Variants in DEPDC1 observed in about 807,000 individuals in gnomAD.
DEPDC1 encodes DEP domain containing 1, also known as DEP domain-containing protein 1A.
A neutral mutation model predicts 86.8 loss-of-function variants in DEPDC1; 66 were observed. That is an observed-to-expected ratio of 0.76 (90% confidence interval 0.62 to 0.93). The LOEUF (loss-of-function observed/expected upper bound fraction) is 0.93. Ranked by LOEUF, DEPDC1 falls within the 40% of genes least tolerant of loss-of-function variation. The pLI, the probability that DEPDC1 is intolerant of heterozygous loss-of-function variation, is 0.00. For synonymous variants in DEPDC1, 255 were observed against 314.9 expected, an observed-to-expected ratio of 0.81 and a Z score of 2.02; for missense variants, 792 against 935.7, an observed-to-expected ratio of 0.85 and a Z score of 2.00.
rs748026444 is a variant in DEPDC1, at chr1:68,488,420, C to T, written c.675G>A (p.Met225Ile). Reference protein sequence around the residue: ...QVIPQYIMYNMANTSKRGVVI... With the variant: ...QVIPQYIMYNIANTSKRGVVI... ...CTACTCCACGTTTACTTGTATTGGC[C>T]ATGTTGTACATTATATATTGGGGAA... Residue 225 changes from methionine to isoleucine, a missense_variant, in exon 5 of 12, where the codon ATG becomes ATA. Met to Ile is a conservative substitution (Grantham distance 10). Coordinates refer to ENST00000456315, the MANE Select transcript of DEPDC1 (RefSeq NM_001114120.3). 7.1e-5 allele frequency: 114 copies of T among 1,603,508 alleles called. No individual in the cohort carries two copies. The highest frequency in any genetic ancestry group is 9.4e-5 in the Non-Finnish European group (110 of 1,176,224).
chr1:68,483,514 A>G (rs1646172371), intron 7 of DEPDC1: 1 of 328,882 alleles, frequency 3.0e-6, no homozygotes, highest in African/African-American at 2.2e-5. Flanking sequence ...CTTCAATTAA[A>G]ACTCTAAAAC....
At chr1:68,494,288 T>C (rs1402649910) in intron 2 of DEPDC1, 142 bp downstream of exon 2, 1 of 775,160 alleles carries the variant, frequency 1.3e-6, no homozygotes, top group Non-Finnish European at 2.0e-6. Flanking sequence ...TTCTAAATGA[T>C]TTTAGTTGAA....
At chr1:68,484,956 T>TATATATA (rs1553156034) in intron 6 of DEPDC1, among the ~76,000 whole-genome samples, 3 of 125,880 alleles carry the variant, frequency 2.4e-5, no homozygotes, top group Non-Finnish European at 5.5e-5. Context: ...ATATATATAT[T>TATATATA]TTTTAAAGAT....
intron 5 of DEPDC1, among the ~76,000 whole-genome samples, chr1:68,487,836 T>C (rs1646202531): frequency 6.6e-6 from 1 of 151,926 alleles, no homozygotes; most frequent in Admixed American, 6.6e-5. Context: ...CCCTGATTTT[T>C]GTATCTAAAT....
Position 68,476,387 on chromosome 1 carries a change from A to G in DEPDC1, c.*545T>C, listed in dbSNP as rs1646115176. Reference sequence around the variant, plus strand: ...AAGGCAAAACCAAATCTGATAAAATATACACATATTTTAAAAACACATACA... The same window carrying G: ...AAGGCAAAACCAAATCTGATAAAATGTACACATATTTTAAAAACACATACA... On this transcript the variant is annotated 3_prime_UTR_variant, in exon 12 of 12. Coordinates refer to ENST00000456315, the MANE Select transcript of DEPDC1 (RefSeq NM_001114120.3). 6.6e-6 allele frequency: 1 copy of G among 151,876 alleles called. No individual in the cohort carries two copies. Among genetic ancestry groups the G allele is most frequent in the African/African-American group, 2.4e-5 (1 of 41,426 alleles). 9.4% of individuals were successfully genotyped at this position (151,876 alleles called of 1,614,324 possible). A position where few individuals can be genotyped will look rare whatever the true frequency, so the allele number is the denominator to read the frequency against.
In DEPDC1 at chr1:68,475,720, A is replaced by C. The variant is rs1039317469; in HGVS notation, c.*1212T>G. The C allele has an allele frequency of 4.6e-5, 7 of 151,874 alleles. No individual in the cohort carries two copies. Among genetic ancestry groups the C allele is most frequent in the African/African-American group, 1.7e-4 (7 of 41,426 alleles). The allele number at this position is 151,874 out of a possible 1,614,324, so 9.4% of individuals were successfully genotyped here. A position where few individuals can be genotyped will look rare whatever the true frequency, so the allele number is the denominator to read the frequency against. On this transcript the variant is annotated 3_prime_UTR_variant, in exon 12 of 12. Transcript: ENST00000456315. ...ACCAAGTCAATCAAGCAGAAACCTG[A>C]AGAACCTTGTTTTAAGATGAGAGTC...
rs141814200 is a variant in DEPDC1, at chr1:68,477,169, G to A, written c.2299-100C>T. The A allele has an allele frequency of 4.9e-4, 476 of 971,566 alleles. 4 individuals are homozygous for A. In the African/African-American group the frequency reaches 7.1e-3, roughly 15 times the overall value. The allele number at this position is 971,566 out of a possible 1,614,324, so 60.2% of individuals were successfully genotyped here. On this transcript the variant is annotated intron_variant, in intron 11 of 11. Coordinates refer to ENST00000456315, the MANE Select transcript of DEPDC1 (RefSeq NM_001114120.3). Reference sequence around the variant, plus strand: ...AGAATTCAGTGTTTTTCTCAAAGACGTAGTATAGAGATTAGTATCCTTTCA... The same window carrying A: ...AGAATTCAGTGTTTTTCTCAAAGACATAGTATAGAGATTAGTATCCTTTCA...
chr1:68,482,854 T>C lies in DEPDC1; in HGVS notation c.954A>G (p.Ile318Met), dbSNP rs1646166688. The C allele has an allele frequency of 1.9e-6, 3 of 1,604,496 alleles. No individual in the cohort carries two copies. In the East Asian group the frequency reaches 6.7e-5, roughly 36 times the overall value. Residue 318 changes from isoleucine to methionine, a missense_variant, in exon 8 of 12, where the codon ATA (isoleucine) becomes ATG (methionine). Coordinates refer to ENST00000456315, the MANE Select transcript of DEPDC1 (RefSeq NM_001114120.3). The stretch of plus-strand genomic sequence containing the variant: ...ACTGTGGATCATCTTGAATTTTATG[T>C]ATCCCACTGGATCTATCTGAAACTG... ...YITVSDRSSG[I>M]HKIQDDPQSS...
At chr1:68,478,525 A>C (rs988672248) in intron 10 of DEPDC1, among the ~76,000 whole-genome samples, 2 of 151,758 alleles carry the variant, frequency 1.3e-5, no homozygotes, top group African/African-American at 4.8e-5. Flanking sequence ...TCTAGGAGAT[A>C]GTTATAATTA....
At position 68,497,059 on chromosome 1, in the gene DEPDC1, C is replaced by A. The variant is rs1230487083; in HGVS notation, c.-60G>T. The stretch of plus-strand genomic sequence containing the variant: ...GAAGGCGACACTCAGGCCCAGCGGC[C>A]GCGGCAGTGGCGAGTCTCGGCACAA... On this transcript the variant is annotated 5_prime_UTR_variant, in exon 1 of 12. Transcript: ENST00000456315. 8 of 1,584,288 alleles carry A rather than the reference C, an allele frequency of 5.0e-6. No homozygotes were observed. Among genetic ancestry groups the A allele is most frequent in the Non-Finnish European group, 6.9e-6 (8 of 1,156,576 alleles).
chr1:68,486,968 C>T lies in DEPDC1; in HGVS notation c.738G>A (p.Trp246Ter). The T allele has an allele frequency of 6.3e-7, 1 of 1,594,216 alleles. No homozygotes were observed. Among genetic ancestry groups the T allele is most frequent in the Admixed American group, 1.8e-5 (1 of 56,870 alleles). Residue 246 changes from tryptophan (W) to a stop codon, truncating the protein, a stop_gained, in exon 6 of 12, where the codon TGG (tryptophan) becomes TGA (stop). Coordinates refer to ENST00000456315, the MANE Select transcript of DEPDC1 (RefSeq NM_001114120.3). LOFTEE classifies it high-confidence loss of function. Reference sequence around the variant, plus strand: ...CTAGGCACTTCATGGCAGATAATACCCAGTGAGGGAGGTCATCTACACAAA... The same window carrying T: ...CTAGGCACTTCATGGCAGATAATACTCAGTGAGGGAGGTCATCTACACAAA... ...LQNKSDDLPH[W>*]VLSAMKCLAN...
chr1:68,494,721 A>T (rs72674357), intron 1 of DEPDC1, 26 bp from the exon 2 acceptor site: 69,151 of 1,569,412 alleles, frequency 0.044, 1,736 homozygotes, highest in East Asian at 0.07. Context: ...AAATATTTTT[A>T]AAAAATTGAA....
At chr1:68,488,306 T>G in intron 5 of DEPDC1, 68 bp downstream of exon 5, 1 of 1,452,810 alleles carries the variant, frequency 6.9e-7, no homozygotes, top group Non-Finnish European at 9.1e-7. Context: ...TGGGTCTCTC[T>G]TTACACTACT....
intron 6 of DEPDC1, among the ~76,000 whole-genome samples, chr1:68,484,972 A>G (rs567591887): frequency 6.6e-4 from 100 of 151,144 alleles, no homozygotes; most frequent in African/African-American, 2.3e-3. Context: ...AAGATTCCTG[A>G]CCTACAGAAT....
Position 68,482,506 on chromosome 1 carries a change from A to C in DEPDC1, c.1302T>G (p.Ser434Arg), listed in dbSNP as rs1187048866. 2 of 1,613,150 alleles carry C rather than the reference A, an allele frequency of 1.2e-6. No individual in the cohort carries two copies. The highest frequency in any genetic ancestry group is 2.7e-5 in the African/African-American group (2 of 75,008). The change falls in exon 8 of 12, where the codon AGT becomes AGG. Residue 434 changes from serine (S) to arginine (R), a missense_variant. By Grantham distance (110) the Ser-to-Arg change is moderately radical (BLOSUM62 -1). Transcript: ENST00000456315. Reference protein sequence around the residue: ...EGIVDVPGNSSKEASSVFHQS... With the variant: ...EGIVDVPGNSRKEASSVFHQS... ...GATGAAAGACACTGGATGCCTCTTTACTTGAATTCCCTGGCACATCTACAA... is the reference window on the plus strand; with the variant it reads ...GATGAAAGACACTGGATGCCTCTTTCCTTGAATTCCCTGGCACATCTACAA...
rs1385198029 is a variant in DEPDC1, at chr1:68,476,393, A to G, written c.*539T>C. On this transcript the variant is annotated 3_prime_UTR_variant, in exon 12 of 12. Coordinates refer to ENST00000456315, the MANE Select transcript of DEPDC1 (RefSeq NM_001114120.3). The stretch of plus-strand genomic sequence containing the variant: ...AAACCAAATCTGATAAAATATACAC[A>G]TATTTTAAAAACACATACATATATA... 6.6e-6 allele frequency: 1 copy of G among 151,872 alleles called. No individual in the cohort carries two copies. The highest frequency in any genetic ancestry group is 1.5e-5 in the Non-Finnish European group (1 of 67,804). 9.4% of individuals were successfully genotyped at this position (151,872 alleles called of 1,614,324 possible). A position where few individuals can be genotyped will look rare whatever the true frequency, so the allele number is the denominator to read the frequency against.
Position 68,477,908 on chromosome 1 carries a change from C to T in DEPDC1, c.2177G>A (p.Ser726Asn). Residue 726 changes from serine to asparagine, a missense_variant, in exon 11 of 12, where the codon AGT becomes AAT. Coordinates refer to ENST00000456315, the MANE Select transcript of DEPDC1 (RefSeq NM_001114120.3). ...LPTYSYCKQISAQEFDEQKVS... is the reference protein window; with the variant it reads ...LPTYSYCKQINAQEFDEQKVS... ...TTTTTGCTCATCAAACTCCTGAGCA[C>T]TAATCTGCTTACAGTATGAGTAAGT... 2 of 1,594,358 alleles carry T rather than the reference C, an allele frequency of 1.3e-6. No individual in the cohort carries two copies. Among genetic ancestry groups the T allele is most frequent in the Admixed American group, 3.4e-5 (2 of 58,438 alleles).
chr1:68,494,421 G>A lies in DEPDC1; in HGVS notation c.314+9C>T, dbSNP rs1186350271. The A allele has an allele frequency of 6.2e-7, 1 of 1,610,738 alleles. No homozygotes were observed. The highest frequency in any genetic ancestry group is 1.7e-5 in the Admixed American group (1 of 59,856). Reference sequence around the variant, plus strand: ...AATTCAGTTTTACAGTTACATATCTGTTCATTACCTGAAGAGCTGGTTGTT... The same window carrying A: ...AATTCAGTTTTACAGTTACATATCTATTCATTACCTGAAGAGCTGGTTGTT... On this transcript the variant is annotated intron_variant, in intron 2 of 11. Coordinates refer to ENST00000456315, the MANE Select transcript of DEPDC1 (RefSeq NM_001114120.3).
chr1:68,491,493 CT>C (rs1447963427), intron 2 of DEPDC1, among the ~76,000 whole-genome samples: 1 of 151,874 alleles, frequency 6.6e-6, no homozygotes, highest in African/African-American at 2.4e-5. Context: ...AGAATGGACA[CT>C]ATTAAAAAAC....
Sources: allele counts gnomAD v4.1 joint callset (sites outside exome capture counted in the v4.1 genomes callset), GRCh38; gene constraint gnomAD v4.1.1; transcripts MANE v1.5; gene names NCBI Gene and HGNC (gene_info 2026-07-23, HGNC 2026-07-21).